Variants in EVL observed in about 807,000 individuals in gnomAD.
EVL encodes ena/VASP-like protein.
Under a neutral mutation model 59.6 loss-of-function variants are expected in EVL, and 21 were observed. The ratio of observed to expected loss-of-function variants is 0.35; its 90% confidence interval spans 0.25 to 0.51. The LOEUF (loss-of-function observed/expected upper bound fraction) is 0.51, where lower values mean the gene tolerates loss of function less well. Among genes scored for constraint, EVL ranks in the 20% least tolerant of loss-of-function variants. The pLI is 0.97. For missense variants in EVL, 462 were observed against 546.6 expected, an observed-to-expected ratio of 0.85 and a Z score of 1.54; for synonymous variants, 198 against 203.5, an observed-to-expected ratio of 0.97 and a Z score of 0.23.
intron 2 of EVL, among the ~76,000 whole-genome samples, chr14:100,092,551 AT>A (rs1460588248): frequency 6.6e-6 from 1 of 152,160 alleles, no homozygotes; most frequent in Non-Finnish European, 1.5e-5. Context: ...CCTGGCCAAC[AT>A]GGTGAAACCC....
intron 1 of EVL, among the ~76,000 whole-genome samples, chr14:100,051,332 A>G (rs994098928): frequency 1.3e-5 from 2 of 151,666 alleles, no homozygotes; most frequent in East Asian, 1.9e-4. Context: ...TATCAGATCT[A>G]CTCTTGCTTA....
At chr14:99,973,874 T>G (rs2060752314) in intron 1 of EVL, among the ~76,000 whole-genome samples, 1 of 152,228 alleles carries the variant, frequency 6.6e-6, no homozygotes, top group African/African-American at 2.4e-5. Context: ...TTAAATTTTA[T>G]TTTTACTTAA....
At chr14:99,973,384 G>C (rs1343914776) in intron 1 of EVL, among the ~76,000 whole-genome samples, 1 of 152,168 alleles carries the variant, frequency 6.6e-6, no homozygotes, top group Admixed American at 6.5e-5. Flanking sequence ...TGACTGATGA[G>C]GCTGAACATC....
chr14:99,991,163 T>C (rs1165949917), intron 1 of EVL, among the ~76,000 whole-genome samples: 1 of 152,224 alleles, frequency 6.6e-6, no homozygotes, highest in Non-Finnish European at 1.5e-5. Context: ...CATTTATGAT[T>C]ATCCATTTCC....
chr14:100,081,976 T>C (rs1204879117), intron 1 of EVL, among the ~76,000 whole-genome samples: 1 of 152,058 alleles, frequency 6.6e-6, no homozygotes, highest in Non-Finnish European at 1.5e-5. Flanking sequence ...TTTAAAAGAT[T>C]AGCCAGGCGT....
intron 13 of EVL, among the ~76,000 whole-genome samples, 198 bp from the exon 14 acceptor site, chr14:100,143,503 C>T (rs902287185): frequency 1.2e-4 from 19 of 152,184 alleles, no homozygotes; most frequent in Admixed American, 5.9e-4. Flanking sequence ...GCAGGGGCCG[C>T]CGCAGAAGGA....
chr14:100,015,565 T>C (rs549590989), intron 1 of EVL, among the ~76,000 whole-genome samples: 66 of 152,206 alleles, frequency 4.3e-4, no homozygotes, highest in South Asian at 1.2e-3. Context: ...AGTGTGACAG[T>C]TTGTAGCTGG....
At chr14:99,988,201 C>G (rs1335302143) in intron 1 of EVL, among the ~76,000 whole-genome samples, 1 of 152,052 alleles carries the variant, frequency 6.6e-6, no homozygotes, top group Non-Finnish European at 1.5e-5. Flanking sequence ...CAGGTGTGAG[C>G]CGCCGTGCCT....
chr14:100,058,483 T>A (rs10136836), intron 1 of EVL, among the ~76,000 whole-genome samples: 130,818 of 152,178 alleles, frequency 0.86, 56,668 homozygotes, highest in Middle Eastern at 0.91. Context: ...AATTCATGGT[T>A]TCACATTATA....
intron 1 of EVL, among the ~76,000 whole-genome samples, chr14:100,044,143 G>A (rs928577858): frequency 6.6e-6 from 1 of 152,022 alleles, no homozygotes; most frequent in African/African-American, 2.4e-5. Flanking sequence ...TAAAATTATC[G>A]ATCACATCCT....
intron 2 of EVL, among the ~76,000 whole-genome samples, chr14:100,089,756 C>T (rs2062523811): frequency 6.6e-6 from 1 of 152,088 alleles, no homozygotes; most frequent in Admixed American, 6.5e-5. Flanking sequence ...ACTCCAAAAT[C>T]CACCTCTACC....
intron 3 of EVL, among the ~76,000 whole-genome samples, chr14:100,120,729 C>T (rs747563828): frequency 1.3e-5 from 2 of 152,174 alleles, no homozygotes; most frequent in African/African-American, 2.4e-5. Flanking sequence ...GGCCTGGGGC[C>T]TAGGCTGAAA....
At chr14:100,055,874 C>G (rs1015054029) in intron 1 of EVL, among the ~76,000 whole-genome samples, 1 of 152,014 alleles carries the variant, frequency 6.6e-6, no homozygotes, top group Non-Finnish European at 1.5e-5. Context: ...TGCAATGGCT[C>G]GATCTCGGCT....
At chr14:100,118,691 C>T (rs1012018235) in intron 3 of EVL, among the ~76,000 whole-genome samples, 1 of 152,188 alleles carries the variant, frequency 6.6e-6, no homozygotes, top group Non-Finnish European at 1.5e-5. Context: ...CTCCTGTCCC[C>T]TGTGGCTGGC....
At chr14:100,096,479 A>G (rs977823891) in intron 2 of EVL, among the ~76,000 whole-genome samples, 2 of 152,116 alleles carry the variant, frequency 1.3e-5, no homozygotes, top group South Asian at 2.1e-4. Flanking sequence ...TTTCTCATAT[A>G]TAATTTAATC....
chr14:100,058,353 T>C (rs1262568323), intron 1 of EVL, among the ~76,000 whole-genome samples: 1 of 152,182 alleles, frequency 6.6e-6, no homozygotes, highest in Non-Finnish European at 1.5e-5. Context: ...CCTGTGTGAG[T>C]GTTGATGCCC....
intron 3 of EVL, among the ~76,000 whole-genome samples, chr14:100,116,150 T>C (rs919917713): frequency 1.3e-5 from 2 of 152,032 alleles, no homozygotes; most frequent in Non-Finnish European, 2.9e-5. Flanking sequence ...ATGGCACCTG[T>C]GAGGAAAGCA....
upstream of EVL, among the ~76,000 whole-genome samples, chr14:100,061,427 A>G (rs1332683259): frequency 2.7e-5 from 4 of 146,044 alleles, no homozygotes; most frequent in African/African-American, 7.7e-5. Context: ...AAAAAAAAAA[A>G]AAAAGAAATG....
chr14:100,031,291 C>T (rs2061311076), intron 1 of EVL, among the ~76,000 whole-genome samples: 1 of 152,220 alleles, frequency 6.6e-6, no homozygotes, highest in African/African-American at 2.4e-5. Flanking sequence ...CTGATGTACA[C>T]ACCTCGTTGG....
Sources: gnomAD v4.1 joint callset for allele counts (sites outside exome capture counted in the v4.1 genomes callset) on GRCh38, gnomAD v4.1.1 for gene constraint, MANE v1.5 for transcripts, NCBI Gene and HGNC (gene_info 2026-07-23, HGNC 2026-07-21) for gene names.